The following SNTG2 variants were observed in gnomAD, a reference collection of about 807,000 sequenced individuals.
The protein encoded by SNTG2 is gamma-2-syntrophin.
A neutral mutation model predicts 70.9 loss-of-function variants in SNTG2; 74 were observed. The observed-to-expected ratio is 1.04, with a 90% CI of 0.86 to 1.27. SNTG2 has a LOEUF of 1.27. Ranked by LOEUF, SNTG2 falls within the 50% of genes most tolerant of loss-of-function variation. The probability of loss-of-function intolerance (pLI) is 0.00; values close to 1 mark genes in which losing one functional copy is unlikely to be tolerated. For missense variants in SNTG2, 717 were observed against 690.7 expected (o/e 1.04, Z -0.43); for synonymous variants, 278 against 273.8 (o/e 1.02, Z -0.15).
At chr2:1,155,176 C>CACA (rs547352326) in intron 6 of SNTG2, among the ~76,000 whole-genome samples, 15 of 147,352 alleles carry the variant, frequency 1.0e-4, no homozygotes, top group South Asian at 2.2e-4. Flanking sequence ...TAGACCCCCC[C>CACA]CCCACACACA....
intron 1 of SNTG2, among the ~76,000 whole-genome samples, chr2:1,020,026 G>A (rs997941084): frequency 6.6e-6 from 1 of 152,206 alleles, no homozygotes; most frequent in Non-Finnish European, 1.5e-5. Context: ...TTGGGGGACA[G>A]AGCGAGACTC....
chr2:1,054,146 T>G (rs1235884753), intron 1 of SNTG2, among the ~76,000 whole-genome samples: 1 of 152,090 alleles, frequency 6.6e-6, no homozygotes, highest in Non-Finnish European at 1.5e-5. Context: ...CCACCCTGAT[T>G]CAGACGGGCG....
At chr2:1,125,181 C>T (rs780995334) in intron 4 of SNTG2, among the ~76,000 whole-genome samples, 3 of 152,060 alleles carry the variant, frequency 2.0e-5, no homozygotes, top group Non-Finnish European at 2.9e-5. Flanking sequence ...ATTTAAAAGT[C>T]TTCATTTTAA....
chr2:1,117,509 C>T (rs1177273675), intron 4 of SNTG2, among the ~76,000 whole-genome samples: 1 of 152,162 alleles, frequency 6.6e-6, no homozygotes. Context: ...CAGGCACGGC[C>T]TCCTGCCCCT....
At chr2:1,330,432 T>A (rs1182603291) in intron 16 of SNTG2, among the ~76,000 whole-genome samples, 3 of 152,118 alleles carry the variant, frequency 2.0e-5, no homozygotes, top group African/African-American at 7.2e-5. Context: ...GACATGATAA[T>A]ACTTACATTT....
chr2:1,250,258 C>T (rs1453722535), intron 12 of SNTG2, among the ~76,000 whole-genome samples: 2 of 152,224 alleles, frequency 1.3e-5, no homozygotes, highest in Non-Finnish European at 2.9e-5. Flanking sequence ...CTTTCTTGGT[C>T]ATTTAAACTA....
intron 1 of SNTG2, among the ~76,000 whole-genome samples, chr2:968,023 T>G (rs1481479811): frequency 6.7e-6 from 1 of 149,768 alleles, no homozygotes; most frequent in Non-Finnish European, 1.5e-5. Flanking sequence ...AGACTCTGTC[T>G]CAAAATTAAA....
intron 4 of SNTG2, among the ~76,000 whole-genome samples, chr2:1,125,508 A>G (rs957312445): frequency 6.6e-6 from 1 of 152,014 alleles, no homozygotes; most frequent in Non-Finnish European, 1.5e-5. Flanking sequence ...CTTTCTTCTA[A>G]TATCTTGGTG....
intron 8 of SNTG2, among the ~76,000 whole-genome samples, chr2:1,181,076 G>A (rs1476823938): frequency 1.3e-5 from 2 of 152,074 alleles, no homozygotes; most frequent in Admixed American, 1.3e-4. Flanking sequence ...GTGGGGTGGG[G>A]GAAGGGGAGA....
In SNTG2 at chr2:1,072,332, C is replaced by CTTTTTTTTTTTTTTTTT. The variant is rs1242829771; in HGVS notation, c.73-11182_73-11181insTTTTTTTTTTTTTTTTT. ...AGCCAGTGATTTTCTTTTTCTTTTT[C>CTTTTTTTTTTTTTTTTT]TTTTCTTTTTCTTTTTCTTTTTTTT... On this transcript the variant is annotated intron_variant, in intron 1 of 16. Transcript: ENST00000308624. Among the ~76,000 whole-genome samples the CTTTTTTTTTTTTTTTTT allele has an allele frequency of 2.0e-5, 2 of 100,382 alleles. 1 individual carries two copies. The highest frequency in any genetic ancestry group is 3.9e-5 in the Non-Finnish European group (2 of 51,538). The allele number at this position is 100,382 out of a possible 152,430, so 65.9% of individuals were successfully genotyped here. A position where few individuals can be genotyped will look rare whatever the true frequency, so the allele number is the denominator to read the frequency against.
At chr2:970,510 T>C (rs1660703260) in intron 1 of SNTG2, among the ~76,000 whole-genome samples, 2 of 145,038 alleles carry the variant, frequency 1.4e-5, no homozygotes, top group South Asian at 4.5e-4. Context: ...TGAGTGAGAA[T>C]ACGCGGTGTT....
rs763132513 is a variant in SNTG2 at position 1,083,177 on chromosome 2, T to TA, written c.73-334dup. Among the ~76,000 whole-genome samples the TA allele has an allele frequency of 5.7e-3, 276 of 48,374 alleles. 4 individuals are homozygous for TA. The South Asian group carries it at 0.061, about 11-fold the overall frequency. 31.7% of individuals were successfully genotyped at this position (48,374 alleles called of 152,430 possible). The stretch of plus-strand genomic sequence containing the variant: ...TTTATTCAAATAACTTTAGTTAAAC[T>TA]AAAAAAATATATATATATATATTTG... On this transcript the variant is annotated intron_variant, in intron 1 of 16. Coordinates refer to ENST00000308624, the MANE Select transcript of SNTG2 (RefSeq NM_018968.4).
chr2:1,015,712 C>T (rs1331472033), intron 1 of SNTG2, among the ~76,000 whole-genome samples: 2 of 152,174 alleles, frequency 1.3e-5, no homozygotes, highest in Non-Finnish European at 2.9e-5. Flanking sequence ...AGTGGATTGC[C>T]AGAAACTCAC....
intron 14 of SNTG2, among the ~76,000 whole-genome samples, chr2:1,268,108 T>A (rs879313318): frequency 6.6e-6 from 1 of 152,180 alleles, no homozygotes; most frequent in Non-Finnish European, 1.5e-5. Flanking sequence ...GTATACCATG[T>A]GAAGGGATGA....
intron 14 of SNTG2, among the ~76,000 whole-genome samples, chr2:1,272,159 G>A (rs1051151932): frequency 6.6e-6 from 1 of 151,938 alleles, no homozygotes; most frequent in Non-Finnish European, 1.5e-5. Flanking sequence ...ATTGCAATCT[G>A]TAATGAAATA....
chr2:1,207,852 T>G, intron 8 of SNTG2, among the ~76,000 whole-genome samples: 1 of 152,106 alleles, frequency 6.6e-6, no homozygotes, highest in Admixed American at 6.5e-5. Flanking sequence ...AGACTTGGGG[T>G]GGATAGGGTT....
intron 14 of SNTG2, among the ~76,000 whole-genome samples, chr2:1,292,588 T>C (rs2148223267): frequency 6.6e-6 from 1 of 152,340 alleles, no homozygotes; most frequent in Non-Finnish European, 1.5e-5. Flanking sequence ...CTTTTTTGCA[T>C]CTATTAAGAT....
chr2:1,316,376 G>T lies in SNTG2; in HGVS notation c.1488+1G>T. On this transcript the variant is annotated splice_donor_variant, in intron 16 of 16. Coordinates refer to ENST00000308624, the MANE Select transcript of SNTG2 (RefSeq NM_018968.4). LOFTEE classifies it high-confidence loss of function. ...GGACACCAAACAGATTGAGACGAAGGTATGCGGCATGGGGCATGGGTTATT... is the reference window on the plus strand; with the variant it reads ...GGACACCAAACAGATTGAGACGAAGTTATGCGGCATGGGGCATGGGTTATT... The T allele has an allele frequency of 2.0e-6, 3 of 1,476,986 alleles. No homozygotes were observed. The highest frequency in any genetic ancestry group is 2.8e-6 in the Non-Finnish European group (3 of 1,079,592). 91.5% of individuals were successfully genotyped at this position (1,476,986 alleles called of 1,614,324 possible).
intron 9 of SNTG2, among the ~76,000 whole-genome samples, chr2:1,212,792 GT>G (rs1368433746): frequency 6.6e-6 from 1 of 152,180 alleles, no homozygotes; most frequent in African/African-American, 2.4e-5. Context: ...AGAGACTTGG[GT>G]GTGTTGATCC....
Sources: gnomAD v4.1 joint callset for allele counts (sites outside exome capture counted in the v4.1 genomes callset) on GRCh38, gnomAD v4.1.1 for gene constraint, MANE v1.5 for transcripts, NCBI Gene and HGNC (gene_info 2026-07-23, HGNC 2026-07-21) for gene names.